Variants in DYNC2I2 observed in about 807,000 individuals in gnomAD.
DYNC2I2 encodes dynein 2 intermediate chain 2, also known as cytoplasmic dynein 2 intermediate chain 2.
A neutral mutation model predicts 52.0 loss-of-function variants in DYNC2I2; 39 were observed. The ratio of observed to expected loss-of-function variants is 0.75; its 90% CI spans 0.58 to 0.98. The LOEUF (loss-of-function observed/expected upper bound fraction) is 0.98. Among genes scored for constraint, DYNC2I2 ranks in the 50% least tolerant of loss-of-function variants. The pLI is 0.00. For synonymous variants in DYNC2I2, 359 were observed against 321.1 expected (o/e 1.12, Z -1.26); for missense variants, 743 against 728.4 (o/e 1.02, Z -0.23).
At position 128,633,771 on chromosome 9, in the gene DYNC2I2, G is replaced by A; in HGVS notation, c.1584C>T (p.Asp528=). 1.2e-6 allele frequency: 2 copies of A among 1,613,526 alleles called. No homozygotes were observed. Among genetic ancestry groups the A allele is most frequent in the Non-Finnish European group, 1.7e-6 (2 of 1,180,052 alleles). ...EQGPREAEDL[D]CLAAEVAA ...AGGCCGCCACCTCTGCTGCCAGGCA[G>A]TCCAGGTCCTCAGCTTCCCGGGGCC... The change falls in exon 9 of 9, where the codon GAC becomes GAT. Residue 528 remains aspartate (D), a synonymous_variant. Coordinates refer to ENST00000372715, the MANE Select transcript of DYNC2I2 (RefSeq NM_052844.4).
chr9:128,665,194 A>T, the DYNC2I2 span, among the ~76,000 whole-genome samples: 1 of 151,734 alleles, frequency 6.6e-6, no homozygotes, highest in African/African-American at 2.4e-5. Flanking sequence ...CTGGGATTAC[A>T]GGCGCCCGCC....
intron 2 of DYNC2I2, among the ~76,000 whole-genome samples, chr9:128,638,040 C>T (rs894531319): frequency 6.6e-6 from 1 of 151,456 alleles, no homozygotes; most frequent in Non-Finnish European, 1.5e-5. Flanking sequence ...AGTTCAAGAC[C>T]AGTGTAGGCA....
the DYNC2I2 span, among the ~76,000 whole-genome samples, chr9:128,673,593 C>T: frequency 1.1e-4 from 16 of 151,334 alleles, no homozygotes; most frequent in Non-Finnish European, 2.2e-4. Context: ...GCAAGCTCCA[C>T]CTCCTGGGTT....
chr9:128,668,092 C>A, the DYNC2I2 span, among the ~76,000 whole-genome samples: 2 of 151,478 alleles, frequency 1.3e-5, no homozygotes. Flanking sequence ...TCCCGAGTAG[C>A]TGGGATTACA....
chr9:128,634,849 G>A lies in DYNC2I2; in HGVS notation c.1054C>T (p.Leu352=), dbSNP rs1314446346. Residue 352 remains leucine (L), a synonymous_variant, in exon 7 of 9, where the codon CTG becomes TTG. Transcript: ENST00000372715. Reference sequence around the variant, plus strand: ...AGCGGGAAGCCGCCTTCCGTGCCCAGAATGAACAGCCTAGGGTCAAAGCTG... The same window carrying A: ...AGCGGGAAGCCGCCTTCCGTGCCCAAAATGAACAGCCTAGGGTCAAAGCTG... ...FSSFDPRLFI[L]GTEGGFPLKC... 2 of 1,613,576 alleles carry A rather than the reference G, an allele frequency of 1.2e-6. No homozygotes were observed. Among genetic ancestry groups the A allele is most frequent in the Admixed American group, 1.7e-5 (1 of 60,004 alleles).
the DYNC2I2 span, among the ~76,000 whole-genome samples, chr9:128,676,995 C>T: frequency 1.3e-5 from 2 of 151,996 alleles, no homozygotes; most frequent in African/African-American, 4.8e-5. Flanking sequence ...ACTACAGGCG[C>T]CTGCCACCAC....
At chr9:128,669,181 C>T in the DYNC2I2 span, among the ~76,000 whole-genome samples, 4 of 151,798 alleles carry the variant, frequency 2.6e-5, no homozygotes, top group East Asian at 1.9e-4. Flanking sequence ...CTGGCTAACA[C>T]GGTGAAACTC....
chr9:128,684,020 G>A, the DYNC2I2 span: 8 of 1,528,032 alleles, frequency 5.2e-6, no homozygotes, highest in African/African-American at 4.1e-5. Flanking sequence ...ACGTTTCTGC[G>A]CTAAGTTTTA....
chr9:128,635,695 C>T lies in DYNC2I2; in HGVS notation c.776G>A (p.Gly259Asp). The change falls in exon 5 of 9, where the codon GGC becomes GAC. Residue 259 changes from glycine to aspartate, a missense_variant. Transcript: ENST00000372715. ...RLEDPLLWRT[G>D]LTDDTHTDPV... is the part of the protein sequence containing the mutation. Reference sequence around the variant, plus strand: ...GTCTGTGTGGGTGTCATCCGTCAGGCCTGTGCGCCACAGCAGCGGGTCCTC... The same window carrying T: ...GTCTGTGTGGGTGTCATCCGTCAGGTCTGTGCGCCACAGCAGCGGGTCCTC... The T allele has an allele frequency of 1.2e-6, 2 of 1,612,524 alleles. No individual in the cohort carries two copies. Among genetic ancestry groups the T allele is most frequent in the Non-Finnish European group, 1.7e-6 (2 of 1,179,428 alleles).
intron 2 of DYNC2I2, 41 bp from the exon 3 acceptor site, chr9:128,637,068 A>G (rs1240406202): frequency 6.6e-7 from 1 of 1,511,370 alleles, no homozygotes; most frequent in African/African-American, 1.4e-5. Context: ...AGCCACCAGC[A>G]GGGGCCTCAT....
At position 128,642,179 on chromosome 9, in the gene DYNC2I2, C is replaced by T. The variant is rs112456269; in HGVS notation, c.187-1240G>A. Among the ~76,000 whole-genome samples, 1,492 of 150,230 alleles carry T rather than the reference C, an allele frequency of 9.9e-3. 22 individuals carry two copies. The highest frequency in any genetic ancestry group is 0.04 in the East Asian group (205 of 5,074). On this transcript the variant is annotated intron_variant, in intron 1 of 8. Coordinates refer to ENST00000372715, the MANE Select transcript of DYNC2I2 (RefSeq NM_052844.4). ...GCGAGCATCTGTAGTCCCAGCTACT[C>T]GGGAGGCTGAGGCAGGAGAATGGCG...
At chr9:128,666,304 C>G in the DYNC2I2 span, among the ~76,000 whole-genome samples, 1 of 149,962 alleles carries the variant, frequency 6.7e-6, no homozygotes, top group African/African-American at 2.5e-5. Flanking sequence ...ATTGCTTGAA[C>G]CTGGGAGGTG....
chr9:128,648,631 CAAAAAAA>C (rs71381783), intron 1 of DYNC2I2, among the ~76,000 whole-genome samples: 10 of 121,314 alleles, frequency 8.2e-5, no homozygotes, highest in Middle Eastern at 4.2e-3. Context: ...ACTAAAAATA[CAAAAAAA>C]AAAAAAAAAA....
chr9:128,660,455 G>A (rs1242536260), upstream of DYNC2I2, among the ~76,000 whole-genome samples: 7 of 147,592 alleles, frequency 4.7e-5, no homozygotes, highest in Non-Finnish European at 9.0e-5. Context: ...GTTGCCCAGA[G>A]TGGACTGCAG....
At chr9:128,683,164 T>C in the DYNC2I2 span, among the ~76,000 whole-genome samples, 1 of 151,922 alleles carries the variant, frequency 6.6e-6, no homozygotes, top group East Asian at 1.9e-4. Context: ...CCAGCTAAAA[T>C]AAACCCTCTT....
In DYNC2I2 at chr9:128,635,115, G is replaced by A; in HGVS notation, c.958C>T (p.Pro320Ser). Residue 320 changes from proline (P) to serine (S), a missense_variant, in exon 6 of 9, where the codon CCA (proline) becomes TCA (serine). Transcript: ENST00000372715. The stretch of plus-strand genomic sequence containing the variant: ...ACCTTCTTGAGCTTGGTGCTCCGTG[G>A]CAGCTGCTGCATGACCAGGGCGAAG... ...EGFALVMQQL[P>S]RSTKLKKHPR... The A allele has an allele frequency of 1.2e-6, 2 of 1,612,462 alleles. No homozygotes were observed. Among genetic ancestry groups the A allele is most frequent in the Non-Finnish European group, 1.7e-6 (2 of 1,179,372 alleles).
the DYNC2I2 span, among the ~76,000 whole-genome samples, chr9:128,665,409 T>C: frequency 3.3e-5 from 5 of 152,106 alleles, no homozygotes; most frequent in East Asian, 5.8e-4. Flanking sequence ...CTCACCGTTA[T>C]ATTTGCCATG....
chr9:128,668,824 GAAA>G, the DYNC2I2 span, among the ~76,000 whole-genome samples: 1 of 110,820 alleles, frequency 9.0e-6, no homozygotes, highest in Non-Finnish European at 2.0e-5. Flanking sequence ...TAAAAAAAAG[GAAA>G]AAAAAAAAAA....
At chr9:128,640,360 C>T (rs1564341048) in intron 2 of DYNC2I2, among the ~76,000 whole-genome samples, 1 of 152,182 alleles carries the variant, frequency 6.6e-6, no homozygotes. Flanking sequence ...CTCACTGCAC[C>T]GTACATGGGG....
Sources: allele counts gnomAD v4.1 joint callset (sites outside exome capture counted in the v4.1 genomes callset), GRCh38; gene constraint gnomAD v4.1.1; transcripts MANE v1.5; gene names NCBI Gene and HGNC (gene_info 2026-07-23, HGNC 2026-07-21).